The following SWT1 variants were observed in gnomAD, a reference collection of about 807,000 sequenced individuals.
SWT1 encodes the protein transcriptional protein SWT1.
Under a neutral mutation model 107.3 loss-of-function variants are expected in SWT1, and 33 were observed. The ratio of observed to expected loss-of-function variants is 0.31; its 90% CI spans 0.23 to 0.41. SWT1 has a LOEUF of 0.41. Among genes scored for constraint, SWT1 ranks in the 10% least tolerant of loss-of-function variants. The pLI is 1.00. For missense variants in SWT1, 898 were observed against 1,028.9 expected, an observed-to-expected ratio of 0.87 and a Z score of 1.74; for synonymous variants, 345 against 348.3, an observed-to-expected ratio of 0.99 and a Z score of 0.11.
Position 185,172,967 on chromosome 1 carries a change from C to G in SWT1, c.225-1405C>G, listed in dbSNP as rs370259361. 1.8e-3 allele frequency among the ~76,000 whole-genome samples: 267 copies of G among 147,488 alleles called. 2 individuals carry two copies. Among genetic ancestry groups the G allele is most frequent in the African/African-American group, 6.4e-3 (253 of 39,674 alleles). On this transcript the variant is annotated intron_variant, in intron 4 of 18. Transcript: ENST00000367500. ...GCTGAGGCAGGGGAATCGCTTGAAC[C>G]TGGGAGGCGGAGGTTGTGGTGAGCC...
intron 16 of SWT1, among the ~76,000 whole-genome samples, chr1:185,258,972 C>G (rs1325711070): frequency 6.6e-6 from 1 of 152,064 alleles, no homozygotes; most frequent in East Asian, 1.9e-4. Flanking sequence ...TATCTCTTGA[C>G]TGTTATTTTA....
At chr1:185,271,525 A>G (rs1663867162) in intron 17 of SWT1, 136 bp downstream of exon 17, 1 of 568,256 alleles carries the variant, frequency 1.8e-6, no homozygotes, top group Non-Finnish European at 3.2e-6. Context: ...GAATGCCATA[A>G]AAGTTTGTCA....
At position 185,259,638 on chromosome 1, in the gene SWT1, A is replaced by T. The variant is rs72724123; in HGVS notation, c.2442-11685A>T. Among the ~76,000 whole-genome samples the T allele has an allele frequency of 4.5e-3, 683 of 152,186 alleles. 1 individual carries two copies. Among genetic ancestry groups the T allele is most frequent in the Middle Eastern group, 0.01 (3 of 294 alleles). On this transcript the variant is annotated intron_variant, in intron 16 of 18. Transcript: ENST00000367500. Reference sequence around the variant, plus strand: ...ACACTGCAAACTAGATTACTATCAAAGTTTTCTTGCTGACTCCTGGGGACA... The same window carrying T: ...ACACTGCAAACTAGATTACTATCAATGTTTTCTTGCTGACTCCTGGGGACA...
At chr1:185,239,211 A>G (rs1456397391) in intron 16 of SWT1, among the ~76,000 whole-genome samples, 1 of 152,134 alleles carries the variant, frequency 6.6e-6, no homozygotes, top group Non-Finnish European at 1.5e-5. Flanking sequence ...TGGGCATGTC[A>G]TTTACCCTCT....
chr1:185,289,451 CTTATG>C (rs1386652418), intron 18 of SWT1, among the ~76,000 whole-genome samples: 7 of 152,100 alleles, frequency 4.6e-5, no homozygotes, highest in Non-Finnish European at 8.8e-5. Context: ...AGGAAATGGG[CTTATG>C]TTAAGATGTT....
Position 185,222,285 on chromosome 1 carries a change from G to T in SWT1, c.2309+249G>T, listed in dbSNP as rs181770756. 7.8e-3 allele frequency among the ~76,000 whole-genome samples: 1,184 copies of T among 152,106 alleles called. 8 individuals carry two copies. Among genetic ancestry groups the T allele is most frequent in the Non-Finnish European group, 0.013 (850 of 67,976 alleles). On this transcript the variant is annotated intron_variant, in intron 15 of 18. Transcript: ENST00000367500. ...ACGTTGTCACAAGTGACAGAATAAC[G>T]TTCTTTTTTATGGATGAAAAGTATT...
chr1:185,174,243 T>G lies in SWT1; in HGVS notation c.225-129T>G, dbSNP rs1258648388. 6.0e-6 allele frequency: 4 copies of G among 670,046 alleles called. No individual in the cohort carries two copies. The East Asian group carries it at 1.3e-4, about 22-fold the overall frequency. 41.5% of individuals were successfully genotyped at this position (670,046 alleles called of 1,614,324 possible). On this transcript the variant is annotated intron_variant, in intron 4 of 18. Transcript: ENST00000367500. ...AAGTGAGTAATCCTTTCCACTTCAT[T>G]CTTAATGTAGCTATTTCTACTTTTT...
At chr1:185,273,208 C>G (rs1664005205) in intron 17 of SWT1, among the ~76,000 whole-genome samples, 2 of 152,254 alleles carry the variant, frequency 1.3e-5, no homozygotes, top group Admixed American at 6.5e-5. Context: ...AGTTTGAGAA[C>G]AGGCTGGCCA....
At chr1:185,250,529 T>A (rs902834802) in intron 16 of SWT1, among the ~76,000 whole-genome samples, 1 of 152,198 alleles carries the variant, frequency 6.6e-6, no homozygotes, top group Non-Finnish European at 1.5e-5. Flanking sequence ...TCTTCCTCTC[T>A]CTATACTCCA....
intron 15 of SWT1, 27 bp from the exon 16 acceptor site, chr1:185,231,550 T>G: frequency 6.4e-7 from 1 of 1,556,714 alleles, no homozygotes; most frequent in African/African-American, 1.4e-5. Flanking sequence ...TGTATACCTA[T>G]GAGTATCTTT....
chr1:185,177,905 T>C (rs916221686), intron 5 of SWT1, among the ~76,000 whole-genome samples: 1 of 152,194 alleles, frequency 6.6e-6, no homozygotes, highest in Non-Finnish European at 1.5e-5. Context: ...CGTTCATTTA[T>C]CAAACATCTA....
At position 185,158,621 on chromosome 1, in the gene SWT1, A is replaced by G. The variant is rs191154382; in HGVS notation, c.-10+1307A>G. Reference sequence around the variant, plus strand: ...TGTCATTTAACACCAGCTGGAAACCAGATTAAAAGGGTCAGATTTTAGTGT... The same window carrying G: ...TGTCATTTAACACCAGCTGGAAACCGGATTAAAAGGGTCAGATTTTAGTGT... On this transcript the variant is annotated intron_variant, in intron 1 of 18. Coordinates refer to ENST00000367500, the MANE Select transcript of SWT1 (RefSeq NM_017673.7). 5.8e-4 allele frequency among the ~76,000 whole-genome samples: 88 copies of G among 152,138 alleles called. No homozygotes were observed. The East Asian group carries it at 0.01, about 17-fold the overall frequency.
intron 7 of SWT1, 86 bp downstream of exon 7, chr1:185,182,143 G>GA: frequency 1.5e-6 from 2 of 1,360,772 alleles, no homozygotes; most frequent in Non-Finnish European, 9.9e-7. Flanking sequence ...ATATTTAGAT[G>GA]AAAAATGTTA....
intron 14 of SWT1, among the ~76,000 whole-genome samples, chr1:185,220,752 A>T (rs1430003982): frequency 2.6e-5 from 4 of 152,234 alleles, no homozygotes; most frequent in Non-Finnish European, 5.9e-5. Context: ...TTACAACAAG[A>T]GGCCATAAAA....
At chr1:185,237,251 C>CG (rs1558064348) in intron 16 of SWT1, among the ~76,000 whole-genome samples, 3 of 152,128 alleles carry the variant, frequency 2.0e-5, no homozygotes, top group African/African-American at 7.2e-5. Context: ...CACATGCACA[C>CG]ATATGTTTAT....
At chr1:185,222,655 C>T (rs1378865745) in intron 15 of SWT1, among the ~76,000 whole-genome samples, 1 of 150,538 alleles carries the variant, frequency 6.6e-6, no homozygotes, top group Non-Finnish European at 1.5e-5. Flanking sequence ...ATCCCAGCTG[C>T]TCAGGAGGCT....
At chr1:185,263,031 C>A (rs947305495) in intron 16 of SWT1, among the ~76,000 whole-genome samples, 1 of 152,118 alleles carries the variant, frequency 6.6e-6, no homozygotes, top group East Asian at 1.9e-4. Flanking sequence ...AAGTGATTCA[C>A]CCGCCTCAGC....
At chr1:185,281,009 CT>C in intron 18 of SWT1, 3 of 340,902 alleles carry the variant, frequency 8.8e-6, no homozygotes, top group Admixed American at 3.2e-5. Context: ...TTTTCAGTCC[CT>C]TTTTATGATG....
rs1361574318 is a variant in SWT1, at chr1:185,172,187, C to CT, written c.225-2178dup. Among the ~76,000 whole-genome samples, 15 of 152,220 alleles carry CT rather than the reference C, an allele frequency of 9.9e-5. No individual in the cohort carries two copies. In the East Asian group the frequency reaches 2.3e-3, roughly 24 times the overall value. ...ATAGATTGTGTTTGACATTTTTCCCCTTTTTTTCTCACTACAAAGTAATAT... is the reference window on the plus strand; with the variant it reads ...ATAGATTGTGTTTGACATTTTTCCCCTTTTTTTTCTCACTACAAAGTAATAT... On this transcript the variant is annotated intron_variant, in intron 4 of 18. Transcript: ENST00000367500.
Sources: allele counts gnomAD v4.1 joint callset (sites outside exome capture counted in the v4.1 genomes callset), GRCh38; gene constraint gnomAD v4.1.1; transcripts MANE v1.5; gene names NCBI Gene and HGNC (gene_info 2026-07-23, HGNC 2026-07-21).